Variants in SERF2 observed in about 807,000 individuals in gnomAD.
SERF2 encodes the protein small EDRK-rich factor 2.
Under a neutral mutation model 10.7 loss-of-function variants are expected in SERF2, and 4 were observed. That is an observed-to-expected ratio of 0.37 (90% CI 0.18 to 0.86). SERF2 has a LOEUF of 0.86. Among genes scored for constraint, SERF2 ranks in the 40% least tolerant of loss-of-function variants. SERF2 has a pLI of 0.43. For synonymous variants in SERF2, 26 were observed against 26.0 expected, an observed-to-expected ratio of 1.00 and a Z score of 0.01; for missense variants, 47 against 79.1, an observed-to-expected ratio of 0.59 and a Z score of 1.54.
At chr15:43,787,974 A>C (rs1415928248), upstream of SERF2, among the ~76,000 whole-genome samples, 1 of 149,276 alleles carries the variant, frequency 6.7e-6, no homozygotes, top group African/African-American at 2.5e-5. Flanking sequence ...TCCCAGGTGC[A>C]AGCAATTCTC....
At chr15:43,790,165 C>T (rs1290381965), upstream of SERF2, among the ~76,000 whole-genome samples, 6 of 150,766 alleles carry the variant, frequency 4.0e-5, no homozygotes, top group African/African-American at 1.5e-4. Flanking sequence ...AAAAATTATC[C>T]GGGCGTGGTG....
At chr15:43,792,571 C>T (rs2087087776) in intron 1 of SERF2, 188 bp downstream of exon 1, 5 of 1,472,718 alleles carry the variant, frequency 3.4e-6, no homozygotes, top group Admixed American at 4.6e-5. Context: ...ACGGGACCAC[C>T]CTCCCGGGTT....
chr15:43,779,798 T>C (rs73407578), intron 1 of SERF2, among the ~76,000 whole-genome samples: 2,892 of 152,238 alleles, frequency 0.019, 63 homozygotes, highest in African/African-American at 0.066. Flanking sequence ...CAGCCAAAAT[T>C]ACATCTGTAT....
rs897300885 is a variant in SERF2, at chr15:43,792,878, G to A, written c.8-97G>A. 3.4e-5 allele frequency: 29 copies of A among 858,870 alleles called. No homozygotes were observed. The Admixed American group carries it at 4.3e-4, about 13-fold the overall frequency. 53.2% of individuals were successfully genotyped at this position (858,870 alleles called of 1,614,324 possible). A position where few individuals can be genotyped will look rare whatever the true frequency, so the allele number is the denominator to read the frequency against. On this transcript the variant is annotated intron_variant, in intron 1 of 2. Transcript: ENST00000249786. The stretch of plus-strand genomic sequence containing the variant: ...GTTGTCGGGGCCCGGAGATTGAAGT[G>A]GTGTTGGATCCTGCTGCTGGCCGCG...
In SERF2 at chr15:43,794,886, C is replaced by G. The variant is rs1185072402; in HGVS notation, c.*1113C>G. The G allele has an allele frequency of 6.2e-6, 5 of 807,114 alleles. No homozygotes were observed. The highest frequency in any genetic ancestry group is 8.0e-6 in the Non-Finnish European group (4 of 500,926). 50.0% of individuals were successfully genotyped at this position (807,114 alleles called of 1,614,324 possible). On this transcript the variant is annotated 3_prime_UTR_variant, in exon 3 of 3. Coordinates refer to ENST00000249786, the MANE Select transcript of SERF2 (RefSeq NM_001018108.4). ...TCCAGTTCATAGTATTGACTTCAGCCCAAACGGAGATAACTCCCTGTGTGT... is the reference window on the plus strand; with the variant it reads ...TCCAGTTCATAGTATTGACTTCAGCGCAAACGGAGATAACTCCCTGTGTGT...
chr15:43,792,113 C>A, upstream of SERF2: 1 of 547,470 alleles, frequency 1.8e-6, no homozygotes, highest in Non-Finnish European at 3.3e-6. Context: ...CCTAGTTTCT[C>A]CAGGCCCGTC....
At position 43,792,835 on chromosome 15, in the gene SERF2, C is replaced by T. The variant is rs901294458; in HGVS notation, c.8-140C>T. ...CGCCACTCCCCCCTACCCCAAGCAGCCTGGGCCTCGATGGGCCGTTGTCGG... is the reference window on the plus strand; with the variant it reads ...CGCCACTCCCCCCTACCCCAAGCAGTCTGGGCCTCGATGGGCCGTTGTCGG... On this transcript the variant is annotated intron_variant, in intron 1 of 2. Coordinates refer to ENST00000249786, the MANE Select transcript of SERF2 (RefSeq NM_001018108.4). 9.7e-6 allele frequency: 7 copies of T among 718,234 alleles called. No individual in the cohort carries two copies. In the African/African-American group the frequency reaches 1.2e-4, roughly 13 times the overall value. The allele number at this position is 718,234 out of a possible 1,614,324, so 44.5% of individuals were successfully genotyped here.
intron 1 of SERF2, chr15:43,778,232 G>C (rs2086936788): frequency 6.6e-6 from 1 of 151,838 alleles, no homozygotes; most frequent in Non-Finnish European, 1.5e-5. Flanking sequence ...CAAAGTGCTG[G>C]GATTACAGGG....
intron 1 of SERF2, among the ~76,000 whole-genome samples, chr15:43,780,296 C>G (rs893443819): frequency 6.7e-6 from 1 of 149,016 alleles, no homozygotes; most frequent in African/African-American, 2.5e-5. Context: ...CCCGCCACCA[C>G]GCCCGGCTAA....
intron 1 of SERF2, among the ~76,000 whole-genome samples, chr15:43,784,777 G>A (rs1001032210): frequency 7.0e-6 from 1 of 142,986 alleles, no homozygotes; most frequent in African/African-American, 2.6e-5. Flanking sequence ...TTTTGAGACG[G>A]TGTCTCACTC....
At chr15:43,792,490 C>T (rs1046730741) in intron 1 of SERF2, 107 bp downstream of exon 1, 1 of 1,594,976 alleles carries the variant, frequency 6.3e-7, no homozygotes, top group Non-Finnish European at 8.5e-7. Flanking sequence ...CAAGGCGTTT[C>T]TCTGGGCGCG....
chr15:43,782,470 T>C (rs2086972237), intron 1 of SERF2, among the ~76,000 whole-genome samples: 1 of 152,172 alleles, frequency 6.6e-6, no homozygotes, highest in Admixed American at 6.5e-5. Context: ...TCTCATACCC[T>C]CTTCTAGGAG....
At chr15:43,779,279 G>C (rs961998679) in intron 1 of SERF2, among the ~76,000 whole-genome samples, 7 of 152,110 alleles carry the variant, frequency 4.6e-5, no homozygotes, top group Non-Finnish European at 1.0e-4. Flanking sequence ...AACTGAGAGA[G>C]AGAATGAGGG....
intron 1 of SERF2, 142 bp from the exon 2 acceptor site, chr15:43,792,833 A>C: frequency 1.4e-6 from 1 of 705,144 alleles, no homozygotes; most frequent in Non-Finnish European, 2.4e-6. Flanking sequence ...TACCCCAAGC[A>C]GCCTGGGCCT....
At chr15:43,783,582 A>C (rs1012578361) in intron 1 of SERF2, among the ~76,000 whole-genome samples, 3 of 151,142 alleles carry the variant, frequency 2.0e-5, no homozygotes, top group Non-Finnish European at 4.4e-5. Flanking sequence ...GATTACAGGC[A>C]TGAGCCACCA....
At chr15:43,792,248 C>T (rs1301919145), upstream of SERF2, 16 of 825,124 alleles carry the variant, frequency 1.9e-5, no homozygotes, top group East Asian at 3.5e-4. Context: ...CAATGGGAGC[C>T]GGCTCCCGGG....
At position 43,795,873 on chromosome 15, in the gene SERF2, A is replaced by G. The variant is rs2087203463; in HGVS notation, c.*2100A>G. Reference sequence around the variant, plus strand: ...TGGGTTCAAATTCTAGCTCCAGCATATAAGTGGCTGTGCAGACTTTGGTAA... The same window carrying G: ...TGGGTTCAAATTCTAGCTCCAGCATGTAAGTGGCTGTGCAGACTTTGGTAA... On this transcript the variant is annotated 3_prime_UTR_variant, in exon 3 of 3. Transcript: ENST00000249786. The G allele has an allele frequency of 1.1e-5, 9 of 827,196 alleles. No individual in the cohort carries two copies. The highest frequency in any genetic ancestry group is 1.3e-5 in the Non-Finnish European group (7 of 533,252). The allele number at this position is 827,196 out of a possible 1,614,324, so 51.2% of individuals were successfully genotyped here.
At chr15:43,790,512 C>T (rs2087046612), upstream of SERF2, among the ~76,000 whole-genome samples, 1 of 151,974 alleles carries the variant, frequency 6.6e-6, no homozygotes, top group Admixed American at 6.6e-5. Flanking sequence ...ACCTGTAATC[C>T]TTGCACTTTG....
At chr15:43,788,185 A>G (rs1309737811), upstream of SERF2, among the ~76,000 whole-genome samples, 3 of 148,076 alleles carry the variant, frequency 2.0e-5, no homozygotes, top group African/African-American at 7.6e-5. Flanking sequence ...TAATTTTTAA[A>G]TTTTTTGTAG....
Sources: gnomAD v4.1 joint callset for allele counts (sites outside exome capture counted in the v4.1 genomes callset) on GRCh38, gnomAD v4.1.1 for gene constraint, MANE v1.5 for transcripts, NCBI Gene and HGNC (gene_info 2026-07-23, HGNC 2026-07-21) for gene names.